ARHGEF10L: variants seen among roughly 807,000 people sequenced by gnomAD.
The protein encoded by ARHGEF10L is rho guanine nucleotide exchange factor 10-like protein.
In ARHGEF10L, 69 loss-of-function variants were observed where a neutral mutation model predicts 141.2. The ratio of observed to expected loss-of-function variants is 0.49; its 90% CI spans 0.40 to 0.60. The LOEUF is 0.60. Ranked by LOEUF, ARHGEF10L falls within the 20% of genes least tolerant of loss-of-function variation. The pLI is 0.00. For missense variants in ARHGEF10L, 1,482 were observed against 1,734.3 expected, an observed-to-expected ratio of 0.85 and a Z score of 2.58; for synonymous variants, 711 against 718.5, an observed-to-expected ratio of 0.99 and a Z score of 0.17.
chr1:17,629,566 C>T (rs2101637500), intron 15 of ARHGEF10L, among the ~76,000 whole-genome samples: 1 of 152,236 alleles, frequency 6.6e-6, no homozygotes, highest in East Asian at 1.9e-4. Context: ...TTACCTGCTC[C>T]AGGAGGATTG....
intron 27 of ARHGEF10L, chr1:17,691,170 A>AT (rs746963552): frequency 2.0e-4 from 90 of 454,742 alleles, no homozygotes; most frequent in Non-Finnish European, 1.3e-4. Context: ...TTAAAGTTGT[A>AT]TATCTCCAGA....
chr1:17,549,223 A>G (rs1206147270), intron 1 of ARHGEF10L, among the ~76,000 whole-genome samples: 1 of 151,110 alleles, frequency 6.6e-6, no homozygotes, highest in East Asian at 2.0e-4. Context: ...GGGTTTCACT[A>G]TGTTGGCCAG....
At position 17,603,608 on chromosome 1, in the gene ARHGEF10L, G is replaced by C; in HGVS notation, c.433+17G>C. 6.2e-7 allele frequency: 1 copy of C among 1,600,112 alleles called. No homozygotes were observed. ...ATCAGCCCGGTATGATGTCTGCAGT[G>C]CTTCCCTGTTTCTCTTGGGGACAGG... is the stretch of plus-strand genomic sequence containing the variant. On this transcript the variant is annotated intron_variant, in intron 6 of 28. Coordinates refer to ENST00000361221, the MANE Select transcript of ARHGEF10L (RefSeq NM_018125.4). This position sits in a 1 kb window ranked among gnomAD's most constrained non-coding sequence, Gnocchi z 4.8.
intron 1 of ARHGEF10L, among the ~76,000 whole-genome samples, chr1:17,549,489 G>A (rs778389648): frequency 2.0e-5 from 3 of 152,130 alleles, no homozygotes; most frequent in Non-Finnish European, 4.4e-5. Context: ...TACAGGATTC[G>A]TTAGCTGCAG....
At chr1:17,620,613 GA>G (rs1326890348) in intron 10 of ARHGEF10L, among the ~76,000 whole-genome samples, 11 of 152,174 alleles carry the variant, frequency 7.2e-5, no homozygotes. Context: ...AGGGCAGTGG[GA>G]AGATGGGAGA....
the ARHGEF10L span, among the ~76,000 whole-genome samples, chr1:17,518,935 C>T: frequency 1.3e-5 from 2 of 151,766 alleles, no homozygotes; most frequent in Admixed American, 6.6e-5. Context: ...TTTGGGAGGC[C>T]GAGGTGGGTG....
At position 17,619,222 on chromosome 1, in the gene ARHGEF10L, G is replaced by A; in HGVS notation, c.836-117G>A. The A allele has an allele frequency of 7.1e-6, 7 of 986,356 alleles. No individual in the cohort carries two copies. The South Asian group carries it at 1.1e-4, about 15-fold the overall frequency. 61.1% of individuals were successfully genotyped at this position (986,356 alleles called of 1,614,324 possible). A position where few individuals can be genotyped will look rare whatever the true frequency, so the allele number is the denominator to read the frequency against. On this transcript the variant is annotated intron_variant, in intron 9 of 28. Transcript: ENST00000361221. The surrounding 1 kb of genome is among the most constrained non-coding windows in gnomAD (Gnocchi z 5.0). ...CTAACCCCACGGGGCCCCAGGAGCT[G>A]CTTGCACCCTAGGACCTGGGTCCAA...
At position 17,640,202 on chromosome 1, in the gene ARHGEF10L, G is replaced by A; in HGVS notation, c.2172G>A (p.Lys724=). The part of the protein sequence containing the change: ...LRLLLPGKPD[K]SGRPISFMVV... ...TCCACTCTAACCCTTCTCACCACAG[G>A]TCCGGCCGCCCCATTAGCTTCATGG... Residue 724 remains lysine, a splice_region_variant and synonymous_variant, in exon 21 of 29, where the codon AAG becomes AAA. Coordinates refer to ENST00000361221, the MANE Select transcript of ARHGEF10L (RefSeq NM_018125.4). 3 of 1,610,264 alleles carry A rather than the reference G, an allele frequency of 1.9e-6. No individual in the cohort carries two copies. Among genetic ancestry groups the A allele is most frequent in the Non-Finnish European group, 2.5e-6 (3 of 1,178,028 alleles).
In ARHGEF10L at chr1:17,654,693, A is replaced by G. The variant is rs2062123790; in HGVS notation, c.2452A>G (p.Ser818Gly). 2.5e-6 allele frequency: 4 copies of G among 1,614,144 alleles called. No individual in the cohort carries two copies. In the East Asian group the frequency reaches 8.9e-5, roughly 36 times the overall value. ...NCPLLGFSAV[S>G]TSLPQGYLWV... ...TCCCCTGCTGGGTTTCTCAGCAGTC[A>G]GCACCTCCCTTCCACAGGGCTACCT... Residue 818 changes from serine (S) to glycine (G), a missense_variant, in exon 23 of 29, where the codon AGC becomes GGC. Around this residue, in one of 3 missense-constraint regions of ARHGEF10L, gnomAD observed 858 missense variants for 966.3 expected, o/e 0.89. Coordinates refer to ENST00000361221, the MANE Select transcript of ARHGEF10L (RefSeq NM_018125.4). The surrounding 1 kb of genome is among the most constrained non-coding windows in gnomAD (Gnocchi z 4.3).
upstream of ARHGEF10L, among the ~76,000 whole-genome samples, chr1:17,535,926 G>A (rs529165627): frequency 5.3e-5 from 8 of 152,088 alleles, no homozygotes; most frequent in South Asian, 2.1e-4. Flanking sequence ...CTCACAGTCC[G>A]GGGGGGAGAC....
At chr1:17,594,518 C>T (rs1161397783) in intron 4 of ARHGEF10L, among the ~76,000 whole-genome samples, 2 of 152,112 alleles carry the variant, frequency 1.3e-5, no homozygotes, top group African/African-American at 4.8e-5. Context: ...GTCTCTGTCG[C>T]CCAGGCTGGA....
intron 26 of ARHGEF10L, among the ~76,000 whole-genome samples, chr1:17,677,099 A>G (rs1571483424): frequency 6.6e-6 from 1 of 152,206 alleles, no homozygotes; most frequent in African/African-American, 2.4e-5. Flanking sequence ...CAAGGAAAGG[A>G]GATGGGCAGA....
chr1:17,662,849 T>C (rs549789137), intron 25 of ARHGEF10L, among the ~76,000 whole-genome samples: 29 of 152,258 alleles, frequency 1.9e-4, no homozygotes, highest in African/African-American at 6.0e-4. Context: ...GGTCTGCCTG[T>C]GATGGGCTGC....
At position 17,623,074 on chromosome 1, in the gene ARHGEF10L, A is replaced by C; in HGVS notation, c.1099A>C (p.Lys367Gln). 1.9e-6 allele frequency: 3 copies of C among 1,614,138 alleles called. No individual in the cohort carries two copies. The highest frequency in any genetic ancestry group is 2.5e-6 in the Non-Finnish European group (3 of 1,180,012). Residue 367 changes from lysine (K) to glutamine (Q), a missense_variant, in exon 12 of 29, where the codon AAG becomes CAG. Around this residue, in one of 3 missense-constraint regions of ARHGEF10L, gnomAD observed 392 missense variants for 542.1 expected, o/e 0.72. Coordinates refer to ENST00000361221, the MANE Select transcript of ARHGEF10L (RefSeq NM_018125.4). The surrounding 1 kb of genome is among the most constrained non-coding windows in gnomAD (Gnocchi z 4.7). ...GTGCCAGGTGGTGTTCTTCCGCGTG[A>C]AGGAGATCCTGCACTGCCACTCCAT... ...RKCQVVFFRVKEILHCHSMFQ... is the reference protein window; with the variant it reads ...RKCQVVFFRVQEILHCHSMFQ...
intron 26 of ARHGEF10L, among the ~76,000 whole-genome samples, chr1:17,682,799 C>T (rs963185134): frequency 6.6e-6 from 1 of 152,110 alleles, no homozygotes; most frequent in Non-Finnish European, 1.5e-5. Context: ...GAGAGTAGGA[C>T]AGCCCCTGAC....
intron 27 of ARHGEF10L, chr1:17,691,309 G>A (rs2065085062): frequency 3.5e-6 from 1 of 287,164 alleles, no homozygotes; most frequent in African/African-American, 2.3e-5. Flanking sequence ...GAGGTGGAGG[G>A]GGAGGGGGAA....
At chr1:17,550,032 G>A (rs985859954) in intron 1 of ARHGEF10L, among the ~76,000 whole-genome samples, 10 of 152,204 alleles carry the variant, frequency 6.6e-5, no homozygotes, top group African/African-American at 1.9e-4. Context: ...AGAACTGGCT[G>A]TAGAGAGCCA....
intron 4 of ARHGEF10L, among the ~76,000 whole-genome samples, chr1:17,597,733 A>G (rs2080251259): frequency 6.6e-6 from 1 of 152,116 alleles, no homozygotes; most frequent in Admixed American, 6.5e-5. Context: ...TGACCTCTCT[A>G]TGCTGTGGGG....
chr1:17,650,126 G>A (rs1443212426), intron 22 of ARHGEF10L, among the ~76,000 whole-genome samples: 5 of 152,100 alleles, frequency 3.3e-5, no homozygotes, highest in African/African-American at 4.8e-5. Flanking sequence ...AATGGATACC[G>A]GGACTGAGCG....
Sources: allele counts gnomAD v4.1 joint callset (sites outside exome capture counted in the v4.1 genomes callset), GRCh38; gene constraint gnomAD v4.1.1; regional missense constraint gnomAD v4.1.1; non-coding constraint Gnocchi (gnomAD v3.1); transcripts MANE v1.5; gene names NCBI Gene and HGNC (gene_info 2026-07-23, HGNC 2026-07-21).